Variants in CDH2 observed in about 807,000 individuals in gnomAD.
The protein encoded by CDH2 is cadherin-2.
Under a neutral mutation model 92.0 loss-of-function variants are expected in CDH2, and 17 were observed. The ratio of observed to expected loss-of-function variants is 0.18; its 90% CI spans 0.13 to 0.28. CDH2 has a LOEUF of 0.28. Ranked by LOEUF, CDH2 falls within the 10% of genes least tolerant of loss-of-function variation. The pLI is 1.00. For missense variants in CDH2, 862 were observed against 1,133.1 expected (o/e 0.76, Z 3.44); for synonymous variants, 419 against 415.9 (o/e 1.01, Z -0.09).
At chr18:28,133,730 G>A (rs1383789730) in intron 2 of CDH2, among the ~76,000 whole-genome samples, 1 of 152,000 alleles carries the variant, frequency 6.6e-6, no homozygotes, top group Non-Finnish European at 1.5e-5. Flanking sequence ...TTAACAACAA[G>A]TATTCTGGGG....
At chr18:28,089,221 T>C (rs1320109036) in intron 2 of CDH2, among the ~76,000 whole-genome samples, 1 of 152,140 alleles carries the variant, frequency 6.6e-6, no homozygotes, top group Admixed American at 6.5e-5. Context: ...GATCTTTGAC[T>C]CTCTACCAGA....
intron 2 of CDH2, among the ~76,000 whole-genome samples, chr18:28,087,136 C>T (rs777610301): frequency 2.0e-5 from 3 of 152,160 alleles, no homozygotes; most frequent in Non-Finnish European, 4.4e-5. Flanking sequence ...CTTTGAAATG[C>T]TATCTTTTGC....
chr18:27,988,579 T>G lies in CDH2; in HGVS notation c.1686A>C (p.Glu562Asp), dbSNP rs2012308570. 1 of 1,612,610 alleles carries G rather than the reference T, an allele frequency of 6.2e-7. No individual in the cohort carries two copies. Among genetic ancestry groups the G allele is most frequent in the African/African-American group, 1.3e-5 (1 of 74,914 alleles). ...ATATATTGTTTTTCACATTTGGTGA[T>G]TCTCGGTCCAAAACAGCAATTGTAG... ...QITTIAVLDR[E>D]SPNVKNNIYN... Residue 562 changes from glutamate to aspartate, a missense_variant, in exon 11 of 16, where the codon GAA (glutamate) becomes GAC (aspartate). Coordinates refer to ENST00000269141, the MANE Select transcript of CDH2 (RefSeq NM_001792.5).
chr18:28,147,159 A>T (rs1254042784), intron 2 of CDH2, among the ~76,000 whole-genome samples: 1 of 152,102 alleles, frequency 6.6e-6, no homozygotes, highest in African/African-American at 2.4e-5. Flanking sequence ...TGCTATAAAC[A>T]ATGTCATAAC....
At chr18:27,993,108 A>C (rs541134595) in intron 8 of CDH2, among the ~76,000 whole-genome samples, 5 of 152,278 alleles carry the variant, frequency 3.3e-5, no homozygotes, top group African/African-American at 1.2e-4. Flanking sequence ...CTGGGTGATT[A>C]TGGTGGGGTG....
intron 1 of CDH2, among the ~76,000 whole-genome samples, chr18:28,154,419 C>T (rs188677935): frequency 7.9e-5 from 12 of 152,326 alleles, no homozygotes; most frequent in Non-Finnish European, 1.5e-4. Flanking sequence ...ATCAGCTCAC[C>T]TATCTTGAGT....
chr18:28,168,177 T>C (rs984702253), intron 1 of CDH2, among the ~76,000 whole-genome samples: 1 of 152,048 alleles, frequency 6.6e-6, no homozygotes, highest in African/African-American at 2.4e-5. Flanking sequence ...TCGTGCAAGA[T>C]TACAGTCAAG....
At chr18:28,175,441 T>G (rs1360160479) in intron 1 of CDH2, among the ~76,000 whole-genome samples, 2 of 151,924 alleles carry the variant, frequency 1.3e-5, no homozygotes, top group East Asian at 3.9e-4. Flanking sequence ...AGAGACAAAG[T>G]GAGAGAGCAC....
At chr18:28,134,135 C>CAAAAAAAAAA (rs34083301) in intron 2 of CDH2, among the ~76,000 whole-genome samples, 1 of 91,606 alleles carries the variant, frequency 1.1e-5, no homozygotes, top group African/African-American at 4.3e-5. Context: ...ACTAAATTTA[C>CAAAAAAAAAA]AAAAAAAAAA....
intron 2 of CDH2, among the ~76,000 whole-genome samples, chr18:28,065,328 G>A (rs765621316): frequency 1.2e-4 from 18 of 151,666 alleles, no homozygotes; most frequent in Admixed American, 2.0e-4. Flanking sequence ...CATAACACTC[G>A]TATATCAGGA....
intron 13 of CDH2, 49 bp downstream of exon 13, chr18:27,984,951 T>C (rs1336812809): frequency 6.9e-7 from 1 of 1,448,658 alleles, no homozygotes; most frequent in South Asian, 1.2e-5. Context: ...TTGCTGAACA[T>C]CCTAGAAGCC....
chr18:28,159,450 G>A (rs2016271810), intron 1 of CDH2, among the ~76,000 whole-genome samples: 1 of 152,140 alleles, frequency 6.6e-6, no homozygotes, highest in South Asian at 2.1e-4. Flanking sequence ...GATTCTGCTG[G>A]CTTACATTTC....
chr18:28,159,006 T>C (rs929821198), intron 1 of CDH2: 1 of 152,232 alleles, frequency 6.6e-6, no homozygotes, highest in African/African-American at 2.4e-5. Flanking sequence ...GTTTAAATTC[T>C]CTATGGTAAA....
chr18:27,978,024 AAAG>A (rs1383899819), intron 14 of CDH2, among the ~76,000 whole-genome samples: 1 of 152,204 alleles, frequency 6.6e-6, no homozygotes, highest in East Asian at 1.9e-4. Flanking sequence ...TTCACACTAC[AAAG>A]AAACAGAATT....
At chr18:28,167,490 A>T (rs2016403412) in intron 1 of CDH2, among the ~76,000 whole-genome samples, 2 of 152,148 alleles carry the variant, frequency 1.3e-5, no homozygotes, top group South Asian at 4.1e-4. Flanking sequence ...TGATATAAAT[A>T]TAAGAAAGAT....
At chr18:27,998,187 T>A (rs1452522582) in intron 7 of CDH2, among the ~76,000 whole-genome samples, 1 of 152,206 alleles carries the variant, frequency 6.6e-6, no homozygotes, top group African/African-American at 2.4e-5. Context: ...ACCTTATAAA[T>A]GTGGTCTTTC....
chr18:27,982,200 G>A (rs925344069), intron 14 of CDH2, among the ~76,000 whole-genome samples: 1 of 152,184 alleles, frequency 6.6e-6, no homozygotes, highest in Non-Finnish European at 1.5e-5. Context: ...GTAGTATAGA[G>A]CTTACAGATG....
chr18:28,167,638 G>A (rs17536898), intron 1 of CDH2, among the ~76,000 whole-genome samples: 10,985 of 152,084 alleles, frequency 0.072, 1,287 homozygotes, highest in African/African-American at 0.25. Context: ...AGGAGGTACT[G>A]GTAAAACTCT....
At chr18:28,159,945 C>T (rs1210181070) in intron 1 of CDH2, among the ~76,000 whole-genome samples, 1 of 152,150 alleles carries the variant, frequency 6.6e-6, no homozygotes, top group African/African-American at 2.4e-5. Context: ...GCGTGAGCCA[C>T]CACGCCTGGC....
Sources: gnomAD v4.1 joint callset for allele counts (sites outside exome capture counted in the v4.1 genomes callset) on GRCh38, gnomAD v4.1.1 for gene constraint, MANE v1.5 for transcripts, NCBI Gene and HGNC (gene_info 2026-07-23, HGNC 2026-07-21) for gene names.